DENND10: variants seen among roughly 807,000 people sequenced by gnomAD.
The protein encoded by DENND10 is DENN domain-containing protein 10.
In DENND10, 24 loss-of-function variants were observed where a neutral mutation model predicts 43.6. That is an observed-to-expected ratio of 0.55 (90% confidence interval 0.40 to 0.77). The LOEUF (loss-of-function observed/expected upper bound fraction) is 0.77, where lower values mean the gene tolerates loss of function less well. Ranked by LOEUF, DENND10 falls within the 30% of genes least tolerant of loss-of-function variation. DENND10 has a pLI of 0.00. For missense variants in DENND10, 303 were observed against 429.9 expected, an observed-to-expected ratio of 0.70 and a Z score of 2.61; for synonymous variants, 125 against 157.6, an observed-to-expected ratio of 0.79 and a Z score of 1.55.
intron 6 of DENND10, among the ~76,000 whole-genome samples, chr10:119,126,984 C>T (rs1021299298): frequency 4.0e-5 from 6 of 151,594 alleles, no homozygotes; most frequent in African/African-American, 1.5e-4. Context: ...TTGCAACCTC[C>T]ACTTCCTGGG....
At chr10:119,128,644 A>G (rs904144666) in intron 6 of DENND10, among the ~76,000 whole-genome samples, 3 of 152,034 alleles carry the variant, frequency 2.0e-5, no homozygotes, top group African/African-American at 7.2e-5. Flanking sequence ...ATAATTTATA[A>G]AGAAAAGAAG....
rs116946265 is a variant in DENND10, at chr10:119,110,775, T to G, written c.253-1074T>G. Among the ~76,000 whole-genome samples, 840 of 152,212 alleles carry G rather than the reference T, an allele frequency of 5.5e-3. 47 individuals are homozygous for G. The East Asian group carries it at 0.13, about 24-fold the overall frequency. ...CAGCCAAAACTTCTTATAATAGTAC[T>G]TTTTAGCTTATGGCACCCTGCAGAG... On this transcript the variant is annotated intron_variant, in intron 2 of 8. Coordinates refer to ENST00000361432, the MANE Select transcript of DENND10 (RefSeq NM_207009.4).
chr10:119,123,075 C>G (rs1845648225), intron 5 of DENND10, among the ~76,000 whole-genome samples: 2 of 152,154 alleles, frequency 1.3e-5, no homozygotes, highest in Admixed American at 1.3e-4. Flanking sequence ...CAAGATCAGC[C>G]TGGCCAACAT....
chr10:119,115,794 C>T (rs375953625), intron 3 of DENND10, among the ~76,000 whole-genome samples: 27 of 140,860 alleles, frequency 1.9e-4, no homozygotes, highest in African/African-American at 6.4e-4. Context: ...GACGGAATCT[C>T]GCTCTGTTGC....
At chr10:119,105,637 C>A in intron 1 of DENND10, 1 of 409,348 alleles carries the variant, frequency 2.4e-6, no homozygotes, top group African/African-American at 2.2e-5. Flanking sequence ...AAAAAGATGA[C>A]ATATGATCAT....
intron 1 of DENND10, 139 bp downstream of exon 1, chr10:119,104,336 G>A (rs1347331890): frequency 4.2e-5 from 31 of 737,632 alleles, no homozygotes; most frequent in Non-Finnish European, 6.1e-5. Flanking sequence ...TGTTGGGCCT[G>A]GACTGGGGAC....
intron 3 of DENND10, among the ~76,000 whole-genome samples, chr10:119,115,419 G>T (rs1344751667): frequency 6.3e-5 from 3 of 47,344 alleles, no homozygotes; most frequent in African/African-American, 1.6e-4. Flanking sequence ...ACGGAGTCTC[G>T]CTCTGTCGCC....
chr10:119,129,571 G>A lies in DENND10; in HGVS notation c.751G>A (p.Val251Met), dbSNP rs752255139. The change falls in exon 7 of 9, where the codon GTG (valine) becomes ATG (methionine). Residue 251 changes from valine to methionine, a missense_variant. Transcript: ENST00000361432. Reference sequence around the variant, plus strand: ...GAGCAACAGACCAGACCTCTATGATGTGTTTGTGAATCTGGCAGAGAGTGA... The same window carrying A: ...GAGCAACAGACCAGACCTCTATGATATGTTTGTGAATCTGGCAGAGAGTGA... ...EVSNRPDLYD[V>M]FVNLAESEIT... 4.3e-6 allele frequency: 7 copies of A among 1,613,814 alleles called. No individual in the cohort carries two copies. Among genetic ancestry groups the A allele is most frequent in the Non-Finnish European group, 5.1e-6 (6 of 1,179,824 alleles).
rs1844776760 is a variant in DENND10 at position 119,107,960 on chromosome 10, C to T, written c.56-8C>T. On this transcript the variant is annotated splice_polypyrimidine_tract_variant and splice_region_variant and intron_variant, in intron 1 of 8. Coordinates refer to ENST00000361432, the MANE Select transcript of DENND10 (RefSeq NM_207009.4). ...GACATTCTCACAGTGACCATCTTTC[C>T]ACCGTAGAAAAGGACACAAATGGAG... 6.2e-7 allele frequency: 1 copy of T among 1,613,660 alleles called. No homozygotes were observed. Among genetic ancestry groups the T allele is most frequent in the Non-Finnish European group, 8.5e-7 (1 of 1,179,570 alleles).
chr10:119,105,392 ATCC>A (rs1363061526), intron 1 of DENND10: 1 of 255,044 alleles, frequency 3.9e-6, no homozygotes, highest in Non-Finnish European at 7.3e-6. Context: ...GGCCCAAACC[ATCC>A]TCCCGCCTCG....
intron 4 of DENND10, among the ~76,000 whole-genome samples, chr10:119,118,049 T>C (rs901769634): frequency 1.3e-5 from 2 of 152,134 alleles, no homozygotes; most frequent in African/African-American, 4.8e-5. Context: ...ACAGTCTCAT[T>C]AGATCCTATT....
At chr10:119,135,516 A>C (rs1846286001) in intron 8 of DENND10, among the ~76,000 whole-genome samples, 2 of 152,154 alleles carry the variant, frequency 1.3e-5, no homozygotes, top group African/African-American at 4.8e-5. Flanking sequence ...GCATGGATGA[A>C]CCTTGAAACC....
intron 4 of DENND10, among the ~76,000 whole-genome samples, chr10:119,118,534 C>T (rs1845404380): frequency 6.6e-6 from 1 of 152,224 alleles, no homozygotes; most frequent in Middle Eastern, 3.2e-3. Flanking sequence ...CATGTCCTCC[C>T]ATGGTGCCCA....
At chr10:119,122,168 C>T (rs1845609741) in intron 5 of DENND10, among the ~76,000 whole-genome samples, 1 of 152,076 alleles carries the variant, frequency 6.6e-6, no homozygotes, top group Non-Finnish European at 1.5e-5. Flanking sequence ...ATTAGCCAGG[C>T]ATGGTGGCAT....
intron 8 of DENND10, 84 bp from the exon 9 acceptor site, chr10:119,136,387 G>A: frequency 2.7e-6 from 4 of 1,483,216 alleles, no homozygotes; most frequent in Non-Finnish European, 3.6e-6. Flanking sequence ...TAAACAGTCT[G>A]GAAAAAATAG....
rs377545269 is a variant in DENND10, at chr10:119,107,042, C to T, written c.56-926C>T. Among the ~76,000 whole-genome samples, 4 of 151,974 alleles carry T rather than the reference C, an allele frequency of 2.6e-5. No individual in the cohort carries two copies. In the South Asian group the frequency reaches 8.3e-4, roughly 32 times the overall value. The stretch of plus-strand genomic sequence containing the variant: ...TCCAGCCTGGGCAATAAGAGCAAAA[C>T]TCCATTTAAAGAATTATTCCGCCCA... On this transcript the variant is annotated intron_variant, in intron 1 of 8. Coordinates refer to ENST00000361432, the MANE Select transcript of DENND10 (RefSeq NM_207009.4).
intron 2 of DENND10, among the ~76,000 whole-genome samples, chr10:119,110,758 ACTT>A (rs1386522477): frequency 2.6e-5 from 4 of 151,982 alleles, no homozygotes; most frequent in African/African-American, 4.8e-5. Flanking sequence ...CCCAGCCAAA[ACTT>A]CTTATAATAG....
chr10:119,113,139 C>A (rs1325574332), intron 3 of DENND10, among the ~76,000 whole-genome samples: 1 of 150,994 alleles, frequency 6.6e-6, no homozygotes, highest in Admixed American at 6.6e-5. Flanking sequence ...GCGTGAGCCA[C>A]CGCACCCTGC....
intron 6 of DENND10, 135 bp from the exon 7 acceptor site, chr10:119,129,380 A>G (rs1845979407): frequency 1.6e-6 from 1 of 634,750 alleles, no homozygotes; most frequent in African/African-American, 1.8e-5. Flanking sequence ...ACTAACTGCC[A>G]CAGGGTACAG....
Sources: allele counts gnomAD v4.1 joint callset (sites outside exome capture counted in the v4.1 genomes callset), GRCh38; gene constraint gnomAD v4.1.1; transcripts MANE v1.5; gene names NCBI Gene and HGNC (gene_info 2026-07-23, HGNC 2026-07-21).